RMDN2: variants seen among roughly 807,000 people sequenced by gnomAD.
The protein encoded by RMDN2 is regulator of microtubule dynamics 2, also known as regulator of microtubule dynamics protein 2.
In RMDN2, 61 loss-of-function variants were observed where a neutral mutation model predicts 52.8. The ratio of observed to expected loss-of-function variants is 1.16; its 90% CI spans 0.94 to 1.43. RMDN2 has a LOEUF of 1.43. RMDN2 is among the 40% of genes most tolerant of loss of function. The pLI is 0.00. For synonymous variants in RMDN2, 180 were observed against 153.1 expected, an observed-to-expected ratio of 1.18 and a Z score of -1.30; for missense variants, 592 against 475.3, an observed-to-expected ratio of 1.25 and a Z score of -2.28.
At chr2:37,964,428 C>T (rs758284460) in intron 2 of RMDN2, among the ~76,000 whole-genome samples, 16 of 152,186 alleles carry the variant, frequency 1.1e-4, no homozygotes, top group Non-Finnish European at 1.9e-4. Flanking sequence ...CTTGTGATTG[C>T]ATCTTTGGCC....
chr2:38,053,388 A>G (rs753491848), intron 10 of RMDN2, among the ~76,000 whole-genome samples: 2 of 152,210 alleles, frequency 1.3e-5, no homozygotes, highest in African/African-American at 4.8e-5. Flanking sequence ...AATGTCAAAC[A>G]CACACACATT....
intron 10 of RMDN2, among the ~76,000 whole-genome samples, chr2:38,032,183 C>G (rs1272753248): frequency 6.6e-6 from 1 of 152,080 alleles, no homozygotes; most frequent in Non-Finnish European, 1.5e-5. Context: ...CAGCGTAACC[C>G]CTACCACAAC....
chr2:37,999,927 A>T (rs909432315), intron 8 of RMDN2, among the ~76,000 whole-genome samples: 1 of 152,138 alleles, frequency 6.6e-6, no homozygotes, highest in Admixed American at 6.5e-5. Context: ...CCCACTCTCA[A>T]ATTCTTCATC....
intron 2 of RMDN2, among the ~76,000 whole-genome samples, chr2:37,932,979 C>A (rs1341240541): frequency 6.6e-6 from 1 of 150,462 alleles, no homozygotes; most frequent in Non-Finnish European, 1.5e-5. Context: ...ACTTCCCAGA[C>A]GGGGTGGCTG....
At chr2:38,058,315 T>A (rs1038715638) in intron 10 of RMDN2, among the ~76,000 whole-genome samples, 1 of 152,238 alleles carries the variant, frequency 6.6e-6, no homozygotes, top group African/African-American at 2.4e-5. Flanking sequence ...TCTCTCATCA[T>A]CCATTGACAT....
chr2:37,951,384 G>A (rs1467750621), intron 2 of RMDN2: 1 of 1,613,246 alleles, frequency 6.2e-7, no homozygotes, highest in East Asian at 2.2e-5. Flanking sequence ...TAAAGTCAAT[G>A]CAGCCAAAGC....
intron 10 of RMDN2, chr2:38,032,797 C>T (rs576455113): frequency 6.6e-6 from 1 of 152,272 alleles, no homozygotes; most frequent in Non-Finnish European, 1.5e-5. Context: ...CAAGATCGCA[C>T]CACTGCATTC....
chr2:37,995,938 GC>G (rs998952068), intron 7 of RMDN2, among the ~76,000 whole-genome samples: 6 of 152,290 alleles, frequency 3.9e-5, no homozygotes, highest in Non-Finnish European at 7.3e-5. Flanking sequence ...GTATGGAGCA[GC>G]GGGAATTATT....
At chr2:37,951,151 G>A (rs955295314) in intron 2 of RMDN2, 46 of 1,317,440 alleles carry the variant, frequency 3.5e-5, no homozygotes, top group South Asian at 3.3e-4. Context: ...CCAAAAGGTG[G>A]ATATTATTCT....
intron 7 of RMDN2, 42 bp from the exon 8 acceptor site, chr2:37,997,374 G>A: frequency 7.9e-7 from 1 of 1,269,148 alleles, no homozygotes; most frequent in Non-Finnish European, 1.2e-6. Context: ...CCATTCAAAA[G>A]GTGAACAACT....
chr2:38,038,449 T>C (rs889635254), intron 10 of RMDN2, among the ~76,000 whole-genome samples: 2 of 152,212 alleles, frequency 1.3e-5, no homozygotes, highest in African/African-American at 4.8e-5. Context: ...ATACCCCGTA[T>C]TGAGCAAGCT....
At chr2:37,947,127 G>T (rs1181519203) in intron 2 of RMDN2, among the ~76,000 whole-genome samples, 1 of 152,018 alleles carries the variant, frequency 6.6e-6, no homozygotes, top group Admixed American at 6.6e-5. Flanking sequence ...CAAAGTATGA[G>T]CTTTTAATGT....
At chr2:38,018,676 C>G (rs1012343708), downstream of RMDN2, among the ~76,000 whole-genome samples, 2 of 152,164 alleles carry the variant, frequency 1.3e-5, no homozygotes, top group Non-Finnish European at 2.9e-5. Context: ...GGGGAATACA[C>G]TAAAATAGTA....
chr2:37,938,417 G>C (rs1304647744), intron 2 of RMDN2, among the ~76,000 whole-genome samples: 1 of 152,248 alleles, frequency 6.6e-6, no homozygotes, highest in Non-Finnish European at 1.5e-5. Flanking sequence ...CATAAAATGA[G>C]TTAGGGAGGA....
chr2:37,989,141 A>G (rs1009913197), intron 5 of RMDN2, among the ~76,000 whole-genome samples: 1 of 152,162 alleles, frequency 6.6e-6, no homozygotes, highest in African/African-American at 2.4e-5. Flanking sequence ...TAATGTTATA[A>G]ATCTGTTGAC....
Position 37,929,728 on chromosome 2 carries a change from G to T in RMDN2, c.451G>T (p.Gly151Trp). The change falls in exon 2 of 11, where the codon GGG becomes TGG. Residue 151 changes from glycine (G) to tryptophan (W), a missense_variant and splice_region_variant. Physicochemically the swap from Gly to Trp is radical, Grantham distance 184 (BLOSUM62 -2). Transcript: ENST00000354545. ...TTCAGAGGAAGCAGAAAGTGAAGGA[G>T]GGTAAGTTTCTTTAAGATATTTCCT... ...NSSEEAESEG[G>W]YITANTDTEE... The T allele has an allele frequency of 6.7e-7, 1 of 1,495,454 alleles. No individual in the cohort carries two copies. The highest frequency in any genetic ancestry group is 8.9e-7 in the Non-Finnish European group (1 of 1,125,626). 92.6% of individuals were successfully genotyped at this position (1,495,454 alleles called of 1,614,324 possible).
In RMDN2 at chr2:37,932,110, A is replaced by G. The variant is rs143222856; in HGVS notation, c.452+2381A>G. ...GATCATTCTTGGGTGTTTCTCGCAG[A>G]GGGGGATTTGGCAGGGTCACAGGAC... On this transcript the variant is annotated intron_variant, in intron 2 of 10. Coordinates refer to ENST00000354545, the MANE Select transcript of RMDN2 (RefSeq NM_001170791.3). 1.6e-3 allele frequency among the ~76,000 whole-genome samples: 240 copies of G among 151,578 alleles called. 6 individuals carry two copies. In the East Asian group the frequency reaches 0.036, roughly 23 times the overall value.
intron 1 of RMDN2, 78 bp from the exon 2 acceptor site, chr2:37,929,184 G>T: frequency 1.2e-6 from 1 of 830,806 alleles, no homozygotes; most frequent in Non-Finnish European, 1.9e-6. Context: ...GGCTTTTGTT[G>T]ATTGAAAAAG....
intron 6 of RMDN2, among the ~76,000 whole-genome samples, chr2:37,990,461 G>T (rs1360085210): frequency 7.3e-6 from 1 of 136,056 alleles, no homozygotes; most frequent in Non-Finnish European, 1.5e-5. Flanking sequence ...GGAGGTTGCA[G>T]TGAGCCATGA....
Sources: allele counts gnomAD v4.1 joint callset (sites outside exome capture counted in the v4.1 genomes callset), GRCh38; gene constraint gnomAD v4.1.1; transcripts MANE v1.5; gene names NCBI Gene and HGNC (gene_info 2026-07-23, HGNC 2026-07-21).